Variants in PHF12 observed in about 807,000 individuals in gnomAD.
PHF12 encodes PHD finger protein 12.
In PHF12, 6 loss-of-function variants were observed where a neutral mutation model predicts 99.8. The observed-to-expected ratio is 0.06, with a 90% CI of 0.03 to 0.12. The LOEUF (loss-of-function observed/expected upper bound fraction) is 0.12, where lower values mean the gene tolerates loss of function less well. PHF12 is among the 10% of genes least tolerant of loss of function. The pLI is 1.00. For synonymous variants in PHF12, 480 were observed against 514.9 expected (o/e 0.93, Z 0.92); for missense variants, 954 against 1,300.1 (o/e 0.73, Z 4.09).
chr17:28,932,752 C>T (rs1397935039), intron 2 of PHF12, among the ~76,000 whole-genome samples: 2 of 152,104 alleles, frequency 1.3e-5, no homozygotes, highest in African/African-American at 2.4e-5. Flanking sequence ...TCGAGACCAG[C>T]CTGGCCAACA....
chr17:28,920,862 T>C (rs761711764), intron 5 of PHF12, among the ~76,000 whole-genome samples: 23 of 144,346 alleles, frequency 1.6e-4, no homozygotes, highest in Non-Finnish European at 3.2e-4. Context: ...CACCGGGCCA[T>C]TGTTTTTATT....
intron 2 of PHF12, among the ~76,000 whole-genome samples, chr17:28,929,556 T>A (rs947547126): frequency 1.3e-5 from 2 of 152,174 alleles, no homozygotes; most frequent in Non-Finnish European, 2.9e-5. Context: ...AACTTGAGTA[T>A]CTCAGAGCTT....
At chr17:28,914,558 G>C (rs912431515) in intron 7 of PHF12, among the ~76,000 whole-genome samples, 1 of 150,770 alleles carries the variant, frequency 6.6e-6, no homozygotes, top group African/African-American at 2.4e-5. Flanking sequence ...TATAGTCCCA[G>C]CTACTTGGGA....
At position 28,913,913 on chromosome 17, in the gene PHF12, G is replaced by A; in HGVS notation, c.1259C>T (p.Ser420Phe). 6.2e-7 allele frequency: 1 copy of A among 1,612,054 alleles called. No homozygotes were observed. The highest frequency in any genetic ancestry group is 8.5e-7 in the Non-Finnish European group (1 of 1,178,456). The change falls in exon 8 of 15, where the codon TCT (serine) becomes TTT (phenylalanine). Residue 420 changes from serine (S) to phenylalanine (F), a missense_variant. Transcript: ENST00000332830. ...CTCTGCTTGGGTGGCTAAGTGCTCA[G>A]AGTTCAAAAGGTGCATCTGTGATTC... ...PEESQMHLLN[S>F]EHLATQAEQQ...
chr17:28,920,710 G>A (rs1487075240), intron 5 of PHF12, among the ~76,000 whole-genome samples: 2 of 149,288 alleles, frequency 1.3e-5, no homozygotes, highest in Non-Finnish European at 3.0e-5. Context: ...CTACAGGTGC[G>A]TGCCACCACA....
rs35263191 is a variant in PHF12, at chr17:28,923,653, CAAAAAAAAAAAA to C, written c.715+244_715+255del. ...AGCCTGAGTGACAAAGTGAGACTCACAAAAAAAAAAAAAAAAAAAAAAGGAAAAAGATAATTC... is the reference window on the plus strand; with the variant it reads ...AGCCTGAGTGACAAAGTGAGACTCACAAAAAAAAAAGGAAAAAGATAATTC... On this transcript the variant is annotated intron_variant, in intron 4 of 14. Coordinates refer to ENST00000332830, the MANE Select transcript of PHF12 (RefSeq NM_001033561.2). 4.4e-4 allele frequency among the ~76,000 whole-genome samples: 19 copies of C among 43,488 alleles called. No homozygotes were observed. The Admixed American group carries it at 5.7e-3, about 13-fold the overall frequency. The allele number at this position is 43,488 out of a possible 152,430, so 28.5% of individuals were successfully genotyped here.
intron 9 of PHF12, 142 bp downstream of exon 9, chr17:28,912,340 T>C: frequency 1.4e-6 from 2 of 1,409,976 alleles, no homozygotes; most frequent in Non-Finnish European, 1.8e-6. Flanking sequence ...TCCTCTTCTA[T>C]TACGGAAATG....
chr17:28,912,151 T>G, intron 9 of PHF12: 1 of 1,119,242 alleles, frequency 8.9e-7, no homozygotes, highest in Non-Finnish European at 1.1e-6. Context: ...CCTGCCTTCT[T>G]TTAAGGTGAC....
chr17:28,943,923 C>G (rs187136569), intron 2 of PHF12, among the ~76,000 whole-genome samples: 3 of 152,240 alleles, frequency 2.0e-5, no homozygotes, highest in Admixed American at 6.5e-5. Flanking sequence ...TAGCAAAAAC[C>G]AGTGTTTTAT....
At chr17:28,922,564 A>G (rs1246260130) in intron 4 of PHF12, among the ~76,000 whole-genome samples, 1 of 152,196 alleles carries the variant, frequency 6.6e-6, no homozygotes, top group Non-Finnish European at 1.5e-5. Flanking sequence ...TATCAAAACT[A>G]TATAGTTTTG....
At position 28,911,135 on chromosome 17, in the gene PHF12, C is replaced by G; in HGVS notation, c.2192G>C (p.Arg731Pro). Residue 731 changes from arginine (R) to proline (P), a missense_variant, in exon 10 of 15, where the codon CGA (arginine) becomes CCA (proline). This residue lies in a region of PHF12 where 143 missense variants were observed against 191.8 expected (regional missense o/e 0.75). Coordinates refer to ENST00000332830, the MANE Select transcript of PHF12 (RefSeq NM_001033561.2). ...ACCTCCATTGACATCCATAAATGCT[C>G]GAAGTGAGTTGGTGAGGTCCACCAT... ...TAMVDLTNSL[R>P]AFMDVNGEIE... 2 of 1,614,138 alleles carry G rather than the reference C, an allele frequency of 1.2e-6. No individual in the cohort carries two copies. The highest frequency in any genetic ancestry group is 8.5e-7 in the Non-Finnish European group (1 of 1,180,026).
chr17:28,910,563 C>G, intron 10 of PHF12, 194 bp from the exon 11 acceptor site: 1 of 645,116 alleles, frequency 1.6e-6, no homozygotes, highest in Non-Finnish European at 2.6e-6. Flanking sequence ...TGAGATGGGC[C>G]CCAATGCAGC....
rs770012080 is a variant in PHF12 at position 28,912,962 on chromosome 17, C to CAGT, written c.1606_1608dup (p.Thr536dup). 2.5e-6 allele frequency: 4 copies of CAGT among 1,614,230 alleles called. No individual in the cohort carries two copies. In the South Asian group the frequency reaches 4.4e-5, roughly 18 times the overall value. On this transcript the variant is annotated inframe_insertion, in exon 9 of 15. Coordinates refer to ENST00000332830, the MANE Select transcript of PHF12 (RefSeq NM_001033561.2). ...ACCTCTGTGTTCACTGGCCCATTGGCAGTCCCACAAGGGGTTTTCTTGGAT... is the reference window on the plus strand; with the variant it reads ...ACCTCTGTGTTCACTGGCCCATTGGCAGTAGTCCCACAAGGGGTTTTCTTGGAT...
At chr17:28,922,013 C>T (rs1023607486) in intron 4 of PHF12, among the ~76,000 whole-genome samples, 3 of 152,200 alleles carry the variant, frequency 2.0e-5, no homozygotes, top group African/African-American at 7.2e-5. Context: ...ATACGTAAGT[C>T]AGAACCAGAA....
At chr17:28,924,432 G>C (rs1444023367) in intron 3 of PHF12, 130 bp from the exon 4 acceptor site, 1 of 1,260,238 alleles carries the variant, frequency 7.9e-7, no homozygotes, top group Non-Finnish European at 1.1e-6. Context: ...CATCTACCTG[G>C]TCACTTGGAA....
At chr17:28,914,213 T>G (rs540960320) in intron 7 of PHF12, among the ~76,000 whole-genome samples, 176 bp from the exon 8 acceptor site, 40 of 152,260 alleles carry the variant, frequency 2.6e-4, no homozygotes, top group African/African-American at 9.1e-4. Context: ...GCCTCCACTT[T>G]CCTTCATCAA....
intron 12 of PHF12, 125 bp downstream of exon 12, chr17:28,908,658 A>T: frequency 1.2e-6 from 1 of 861,922 alleles, no homozygotes; most frequent in Non-Finnish European, 1.8e-6. Context: ...CTAGCTATCC[A>T]CTGATTTAAA....
At chr17:28,926,648 C>T in intron 3 of PHF12, 1 of 613,152 alleles carries the variant, frequency 1.6e-6, no homozygotes, top group Non-Finnish European at 2.5e-6. Context: ...TGAGAGAAAA[C>T]TCCATTTTCC....
chr17:28,930,220 T>C (rs1037726778), intron 2 of PHF12, among the ~76,000 whole-genome samples: 1 of 152,178 alleles, frequency 6.6e-6, no homozygotes, highest in Non-Finnish European at 1.5e-5. Flanking sequence ...CCTGGTAAGC[T>C]CTTTATCTTT....
Sources: allele counts gnomAD v4.1 joint callset (sites outside exome capture counted in the v4.1 genomes callset), GRCh38; gene constraint gnomAD v4.1.1; regional missense constraint gnomAD v4.1.1; transcripts MANE v1.5; gene names NCBI Gene and HGNC (gene_info 2026-07-23, HGNC 2026-07-21).